The following STK31 variants were observed in gnomAD, a reference collection of about 807,000 sequenced individuals.
STK31 encodes the protein serine/threonine kinase 31.
A neutral mutation model predicts 129.7 loss-of-function variants in STK31; 89 were observed. The ratio of observed to expected loss-of-function variants is 0.69; its 90% CI spans 0.58 to 0.82. STK31 has a LOEUF of 0.82. Among genes scored for constraint, STK31 ranks in the 40% least tolerant of loss-of-function variants. STK31 has a pLI of 0.00. For synonymous variants in STK31, 448 were observed against 395.3 expected (o/e 1.13, Z -1.58); for missense variants, 1,187 against 1,176.4 (o/e 1.01, Z -0.13).
chr7:23,721,311 T>C (rs1260905106), intron 4 of STK31: 1 of 658,004 alleles, frequency 1.5e-6, no homozygotes, highest in African/African-American at 1.8e-5. Flanking sequence ...TCTAAACTAT[T>C]TGTCTCTAAA....
chr7:23,805,772 A>G lies in STK31; in HGVS notation c.2761-9372A>G, dbSNP rs57858910. ...CATGGTGGGACTACAGGCATGAGCC[A>G]CTGTGCCCAGCCCATATTTGTTAAT... On this transcript the variant is annotated intron_variant, in intron 22 of 23. Transcript: ENST00000355870. 8.9e-3 allele frequency among the ~76,000 whole-genome samples: 1,350 copies of G among 152,336 alleles called. 26 individuals carry two copies. The highest frequency in any genetic ancestry group is 0.031 in the African/African-American group (1,287 of 41,572).
chr7:23,830,820 A>G (rs1008811688), intron 23 of STK31, among the ~76,000 whole-genome samples: 3 of 152,108 alleles, frequency 2.0e-5, no homozygotes, highest in African/African-American at 4.8e-5. Flanking sequence ...AGGTTTCACC[A>G]TGTCAGCCAG....
chr7:23,738,721 A>G (rs1382936431), intron 8 of STK31, among the ~76,000 whole-genome samples: 1 of 151,930 alleles, frequency 6.6e-6, no homozygotes, highest in African/African-American at 2.4e-5. Flanking sequence ...ATGTCTGGCT[A>G]ATTTTTGTAT....
At chr7:23,798,539 T>TA (rs1792148511) in intron 22 of STK31, among the ~76,000 whole-genome samples, 2 of 151,362 alleles carry the variant, frequency 1.3e-5, no homozygotes, top group African/African-American at 4.9e-5. Flanking sequence ...AAGCCTTTGA[T>TA]AAAATTCAAC....
At chr7:23,727,170 G>GCTAA in intron 4 of STK31, 71 bp from the exon 5 acceptor site, 2 of 1,262,174 alleles carry the variant, frequency 1.6e-6, no homozygotes, top group Non-Finnish European at 2.3e-6. Context: ...GAGCTTAAAT[G>GCTAA]CTAACCTTTA....
intron 22 of STK31, among the ~76,000 whole-genome samples, chr7:23,808,616 G>A (rs1360689785): frequency 2.6e-5 from 4 of 152,112 alleles, no homozygotes; most frequent in African/African-American, 7.2e-5. Flanking sequence ...ATCCCAGACT[G>A]TAGAGTGACA....
chr7:23,711,998 A>AT, intron 1 of STK31, 101 bp from the exon 2 acceptor site: 1 of 1,005,384 alleles, frequency 9.9e-7, no homozygotes, highest in South Asian at 1.7e-5. Flanking sequence ...TGATAACTGC[A>AT]TTTAGGACAA....
intron 22 of STK31, among the ~76,000 whole-genome samples, chr7:23,813,484 A>G (rs1328247556): frequency 6.6e-6 from 1 of 152,138 alleles, no homozygotes; most frequent in East Asian, 1.9e-4. Flanking sequence ...ATTTTAATAG[A>G]TTCTGGGTCC....
intron 22 of STK31, among the ~76,000 whole-genome samples, chr7:23,792,455 G>A (rs1387821601): frequency 6.6e-6 from 1 of 152,006 alleles, no homozygotes; most frequent in East Asian, 1.9e-4. Flanking sequence ...ATTGTTCAGA[G>A]AAACTCAAGA....
At chr7:23,830,225 TTTTG>T (rs763668639) in intron 23 of STK31, among the ~76,000 whole-genome samples, 12 of 152,196 alleles carry the variant, frequency 7.9e-5, no homozygotes, top group Non-Finnish European at 1.3e-4. Context: ...AGTTTATTGA[TTTTG>T]TTTATCTTTT....
intron 21 of STK31, among the ~76,000 whole-genome samples, chr7:23,789,469 A>G (rs4722272): frequency 0.38 from 57,574 of 151,754 alleles, 11,148 homozygotes; most frequent in Middle Eastern, 0.44. Context: ...TTTGACTAGT[A>G]TATGTTATAA....
chr7:23,749,481 T>A (rs1788557429), intron 8 of STK31, among the ~76,000 whole-genome samples: 1 of 151,022 alleles, frequency 6.6e-6, no homozygotes. Context: ...TAACTGGGAC[T>A]ACAGGTGTGC....
At chr7:23,824,415 A>C (rs1447249371) in intron 23 of STK31, among the ~76,000 whole-genome samples, 6 of 152,208 alleles carry the variant, frequency 3.9e-5, no homozygotes, top group African/African-American at 1.4e-4. Flanking sequence ...TTATTGGTGT[A>C]TAAGAATGCT....
intron 4 of STK31, among the ~76,000 whole-genome samples, chr7:23,723,959 G>A (rs145278100): frequency 8.5e-5 from 13 of 152,282 alleles, no homozygotes; most frequent in East Asian, 7.7e-4. Flanking sequence ...CTCTCGGCCC[G>A]GAGGAAGGGG....
chr7:23,725,674 C>T (rs1342578927), intron 4 of STK31, among the ~76,000 whole-genome samples: 1 of 152,128 alleles, frequency 6.6e-6, no homozygotes, highest in Non-Finnish European at 1.5e-5. Flanking sequence ...TTATTTGGCT[C>T]ATGGTTCTGT....
chr7:23,783,704 G>T, intron 17 of STK31, 41 bp downstream of exon 17: 5 of 1,441,802 alleles, frequency 3.5e-6, no homozygotes, highest in Non-Finnish European at 4.8e-6. Context: ...TCTTCAGAGG[G>T]TGTTGAAAAG....
intron 10 of STK31, 94 bp downstream of exon 10, chr7:23,754,568 G>T (rs1442082815): frequency 1.5e-6 from 2 of 1,307,692 alleles, no homozygotes; most frequent in East Asian, 2.4e-5. Flanking sequence ...CAGGATACAT[G>T]TGCAGAATGT....
intron 3 of STK31, 21 bp downstream of exon 3, chr7:23,712,307 T>C (rs771456479): frequency 5.0e-6 from 8 of 1,613,596 alleles, no homozygotes; most frequent in Non-Finnish European, 6.8e-6. Flanking sequence ...AACTGGTTGA[T>C]ATCCCCCCTC....
At chr7:23,720,509 G>T (rs1457663595) in intron 4 of STK31, among the ~76,000 whole-genome samples, 1 of 151,870 alleles carries the variant, frequency 6.6e-6, no homozygotes, top group Non-Finnish European at 1.5e-5. Flanking sequence ...GCTTTATATA[G>T]TGAACTACAG....
Sources: allele counts gnomAD v4.1 joint callset (sites outside exome capture counted in the v4.1 genomes callset), GRCh38; gene constraint gnomAD v4.1.1; transcripts MANE v1.5; gene names NCBI Gene and HGNC (gene_info 2026-07-23, HGNC 2026-07-21).